The following RBM33 variants were observed in gnomAD, a reference collection of about 807,000 sequenced individuals.
The protein encoded by RBM33 is RNA binding motif protein 33, also known as RNA-binding protein 33.
RBM33 carries 28 observed loss-of-function variants against 132.6 expected under a neutral mutation model. That is an observed-to-expected ratio of 0.21 (90% confidence interval 0.16 to 0.29). RBM33 has a LOEUF of 0.29. Among genes scored for constraint, RBM33 ranks in the 10% least tolerant of loss-of-function variants. The pLI is 1.00. For missense variants in RBM33, 1,291 were observed against 1,518.5 expected (o/e 0.85, Z 2.49); for synonymous variants, 634 against 593.0 (o/e 1.07, Z -1.01).
At chr7:155,717,723 C>G (rs535601347) in intron 8 of RBM33, among the ~76,000 whole-genome samples, 1 of 152,276 alleles carries the variant, frequency 6.6e-6, no homozygotes, top group Non-Finnish European at 1.5e-5. Context: ...TCTGATTTAG[C>G]CTCAAGGTGT....
chr7:155,756,648 G>T (rs1171777206), intron 14 of RBM33, among the ~76,000 whole-genome samples: 3 of 152,098 alleles, frequency 2.0e-5, no homozygotes, highest in Non-Finnish European at 2.9e-5. Context: ...AATGGTAGCT[G>T]GGATCGTGAT....
chr7:155,726,453 A>T (rs544632659), intron 9 of RBM33, among the ~76,000 whole-genome samples: 1 of 152,284 alleles, frequency 6.6e-6, no homozygotes, highest in Non-Finnish European at 1.5e-5. Flanking sequence ...CAGAAAAGTG[A>T]AAGTATAATT....
rs1802551644 is a variant in RBM33, at chr7:155,774,862, G to T, written c.3465-131G>T. 1 of 842,630 alleles carries T rather than the reference G, an allele frequency of 1.2e-6. No individual in the cohort carries two copies. The highest frequency in any genetic ancestry group is 1.7e-5 in the African/African-American group (1 of 58,756). 52.2% of individuals were successfully genotyped at this position (842,630 alleles called of 1,614,324 possible). A position where few individuals can be genotyped will look rare whatever the true frequency, so the allele number is the denominator to read the frequency against. ...CTTGTGTTTTAATAGATCTTCCCGG[G>T]GAATCTGCCTTTTTATATGATGCGT... On this transcript the variant is annotated intron_variant, in intron 17 of 17. Coordinates refer to ENST00000401878, the MANE Select transcript of RBM33 (RefSeq NM_053043.3). This position sits in a 1 kb window ranked among gnomAD's most constrained non-coding sequence, Gnocchi z 4.2.
chr7:155,780,740 G>T lies in RBM33; in HGVS notation c.*5699G>T, dbSNP rs1802790949. On this transcript the variant is annotated 3_prime_UTR_variant, in exon 18 of 18. Transcript: ENST00000401878. ...CCTCAGCCTTGAGAACTCCACGTGG[G>T]CTGGGTGGGAAGGTGCTGACGATTT... is the stretch of plus-strand genomic sequence containing the variant. 1 of 152,250 alleles carries T rather than the reference G, an allele frequency of 6.6e-6. No individual in the cohort carries two copies. The highest frequency in any genetic ancestry group is 2.4e-5 in the African/African-American group (1 of 41,430). The allele number at this position is 152,250 out of a possible 1,614,324, so 9.4% of individuals were successfully genotyped here. A position where few individuals can be genotyped will look rare whatever the true frequency, so the allele number is the denominator to read the frequency against.
chr7:155,673,616 GTA>G lies in RBM33; in HGVS notation c.171+710_171+711del, dbSNP rs144366043. ...TATACACACATATACATACACACGTGTATATATATACACACATATACATACAC... is the reference window on the plus strand; with the variant it reads ...TATACACACATATACATACACACGTGTATATATACACACATATACATACAC... On this transcript the variant is annotated intron_variant, in intron 3 of 17. Coordinates refer to ENST00000401878, the MANE Select transcript of RBM33 (RefSeq NM_053043.3). 1.6e-3 allele frequency among the ~76,000 whole-genome samples: 89 copies of G among 55,894 alleles called. 5 individuals are homozygous for G. The highest frequency in any genetic ancestry group is 5.8e-3 in the African/African-American group (79 of 13,626). 36.7% of individuals were successfully genotyped at this position (55,894 alleles called of 152,430 possible). A position where few individuals can be genotyped will look rare whatever the true frequency, so the allele number is the denominator to read the frequency against.
rs1440868200 is a variant in RBM33, at chr7:155,774,664, G to A, written c.3464+17G>A. ...ATTCCACAGGTGACCAGTGTGTTCT[G>A]TGCTTGTGGTGATAAGGGGGCGGGA... On this transcript the variant is annotated intron_variant, in intron 17 of 17. Coordinates refer to ENST00000401878, the MANE Select transcript of RBM33 (RefSeq NM_053043.3). The surrounding 1 kb of genome is among the most constrained non-coding windows in gnomAD (Gnocchi z 4.2). The A allele has an allele frequency of 6.2e-7, 1 of 1,604,904 alleles. No individual in the cohort carries two copies. Among genetic ancestry groups the A allele is most frequent in the Non-Finnish European group, 8.5e-7 (1 of 1,171,690 alleles).
intron 9 of RBM33, among the ~76,000 whole-genome samples, chr7:155,724,990 T>TTTTTTTTTTGTG (rs71186056): frequency 3.2e-5 from 4 of 123,364 alleles, no homozygotes; most frequent in Admixed American, 1.6e-4. Context: ...GTGTACAGGT[T>TTTTTTTTTTGTG]TGTGTGTGTG....
rs201164086 is a variant in RBM33, at chr7:155,741,886, G to A, written c.2117G>A (p.Ser706Asn). ...ATGCAGCCCACTGCGCCAAGGAACA[G>A]CAATTTGCGTGAATTACCCATAGCG... ...QQMQPTAPRN[S>N]NLRELPIAPS... Residue 706 changes from serine (S) to asparagine (N), a missense_variant, in exon 13 of 18, where the codon AGC (serine) becomes AAC (asparagine). Coordinates refer to ENST00000401878, the MANE Select transcript of RBM33 (RefSeq NM_053043.3). The A allele has an allele frequency of 6.2e-7, 1 of 1,614,034 alleles. No individual in the cohort carries two copies. The highest frequency in any genetic ancestry group is 8.5e-7 in the Non-Finnish European group (1 of 1,179,894).
intron 13 of RBM33, among the ~76,000 whole-genome samples, chr7:155,742,761 A>T (rs891261743): frequency 2.0e-5 from 3 of 152,230 alleles, no homozygotes; most frequent in Admixed American, 1.3e-4. Context: ...GAGTGTGAAC[A>T]ATCAATGCAG....
chr7:155,711,497 A>G, intron 8 of RBM33, 42 bp downstream of exon 8: 2 of 1,275,800 alleles, frequency 1.6e-6, no homozygotes, highest in South Asian at 1.9e-5. Flanking sequence ...AGATGGCCCC[A>G]GCTTCCAATG....
intron 1 of RBM33, among the ~76,000 whole-genome samples, chr7:155,655,534 CTTTTTT>C (rs756948005): frequency 3.7e-5 from 3 of 80,114 alleles, no homozygotes; most frequent in Admixed American, 1.6e-4. Context: ...GGCTGTTTGC[CTTTTTT>C]TTTTTTTTTT....
intron 13 of RBM33, among the ~76,000 whole-genome samples, chr7:155,743,232 C>T (rs192416525): frequency 1.3e-4 from 20 of 152,242 alleles, no homozygotes; most frequent in East Asian, 5.8e-4. Context: ...CAAACTGGAT[C>T]GGAATAGTTT....
chr7:155,672,960 T>C lies in RBM33; in HGVS notation c.171+45T>C, dbSNP rs770024751. 7 of 1,348,842 alleles carry C rather than the reference T, an allele frequency of 5.2e-6. No homozygotes were observed. The South Asian group carries it at 9.0e-5, about 17-fold the overall frequency. 83.6% of individuals were successfully genotyped at this position (1,348,842 alleles called of 1,614,324 possible). ...CTGAGATGAAATACTAGTCATTTAA[T>C]TATACTTAACATACAGCAGTAATCA... On this transcript the variant is annotated intron_variant, in intron 3 of 17. Coordinates refer to ENST00000401878, the MANE Select transcript of RBM33 (RefSeq NM_053043.3).
chr7:155,747,315 T>A (rs1801548926), intron 14 of RBM33, among the ~76,000 whole-genome samples: 1 of 152,234 alleles, frequency 6.6e-6, no homozygotes, highest in African/African-American at 2.4e-5. Flanking sequence ...GTGTACTGTG[T>A]TAATCAGTGT....
chr7:155,664,354 C>T (rs1008436014), intron 1 of RBM33, among the ~76,000 whole-genome samples: 35 of 151,674 alleles, frequency 2.3e-4, no homozygotes, highest in African/African-American at 7.5e-4. Flanking sequence ...CCGGTTCAAG[C>T]GATTCTCCTG....
At chr7:155,735,719 GTCTC>G (rs879575856) in intron 9 of RBM33, among the ~76,000 whole-genome samples, 9 of 77,356 alleles carry the variant, frequency 1.2e-4, no homozygotes, top group Middle Eastern at 8.2e-3. Flanking sequence ...CTCTCTCTCT[GTCTC>G]TCTCTCTCTC....
At chr7:155,767,111 A>G in intron 16 of RBM33, among the ~76,000 whole-genome samples, 1 of 152,244 alleles carries the variant, frequency 6.6e-6, no homozygotes, top group Admixed American at 6.5e-5. Context: ...CTTGGATTGT[A>G]TCTTCATCTC....
rs144883193 is a variant in RBM33 at position 155,764,371 on chromosome 7, A to G, written c.3186+353A>G. Among the ~76,000 whole-genome samples the G allele has an allele frequency of 5.1e-4, 78 of 152,270 alleles. 1 individual carries two copies. The highest frequency in any genetic ancestry group is 1.0e-3 in the Non-Finnish European group (68 of 68,016). On this transcript the variant is annotated intron_variant, in intron 15 of 17. Transcript: ENST00000401878. ...TTCCTGTGTTCACTGACTCACCAGAAATTTTACAAATGTGAAATCAAGTGC... is the reference window on the plus strand; with the variant it reads ...TTCCTGTGTTCACTGACTCACCAGAGATTTTACAAATGTGAAATCAAGTGC...
chr7:155,671,738 C>T (rs1489881465), intron 2 of RBM33, among the ~76,000 whole-genome samples: 1 of 152,110 alleles, frequency 6.6e-6, no homozygotes, highest in African/African-American at 2.4e-5. Flanking sequence ...GTATTGGCAC[C>T]TAGAGTTACA....
Sources: allele counts gnomAD v4.1 joint callset (sites outside exome capture counted in the v4.1 genomes callset), GRCh38; gene constraint gnomAD v4.1.1; non-coding constraint Gnocchi (gnomAD v3.1); transcripts MANE v1.5; gene names NCBI Gene and HGNC (gene_info 2026-07-23, HGNC 2026-07-21).